Variants in TBCD observed in about 807,000 individuals in gnomAD.
TBCD encodes the protein tubulin folding cofactor D.
TBCD carries 105 observed loss-of-function variants against 169.3 expected under a neutral mutation model. That is an observed-to-expected ratio of 0.62 (90% CI 0.53 to 0.73). The LOEUF is 0.73. Ranked by LOEUF, TBCD falls within the 30% of genes least tolerant of loss-of-function variation. TBCD has a pLI of 0.00. For missense variants in TBCD, 1,444 were observed against 1,600.1 expected, an observed-to-expected ratio of 0.90 and a Z score of 1.66; for synonymous variants, 700 against 643.9, an observed-to-expected ratio of 1.09 and a Z score of -1.32.
At position 82,903,330 on chromosome 17, in the gene TBCD, A is replaced by G. The variant is rs2271918; in HGVS notation, c.1731-75A>G. The G allele has an allele frequency of 0.3, 425,461 of 1,398,776 alleles. 67,591 individuals are homozygous for G. Among genetic ancestry groups the G allele is most frequent in the Admixed American group, 0.38 (19,244 of 50,228 alleles). 86.6% of individuals were successfully genotyped at this position (1,398,776 alleles called of 1,614,324 possible). A position where few individuals can be genotyped will look rare whatever the true frequency, so the allele number is the denominator to read the frequency against. On this transcript the variant is annotated intron_variant, in intron 18 of 38. Transcript: ENST00000355528. The surrounding 1 kb of genome is among the most constrained non-coding windows in gnomAD (Gnocchi z 4.8). ...TGAGGACTCGTGTGTTGTCTCCCTC[A>G]CTTTCTTTTTATGAATTGAATAAAG...
At chr17:82,761,107 C>T (rs2047731440) in intron 2 of TBCD, among the ~76,000 whole-genome samples, 1 of 151,970 alleles carries the variant, frequency 6.6e-6, no homozygotes, top group South Asian at 2.1e-4. Context: ...TTACAGGCGC[C>T]ACCTGTAAAA....
At chr17:82,916,567 A>C (rs907510877) in intron 23 of TBCD, among the ~76,000 whole-genome samples, 2 of 152,060 alleles carry the variant, frequency 1.3e-5, no homozygotes, top group African/African-American at 4.8e-5. Flanking sequence ...GCTAAGAATG[A>C]AACTTTAGTT....
intron 1 of TBCD, among the ~76,000 whole-genome samples, chr17:82,754,336 T>C (rs1702498839): frequency 6.6e-6 from 1 of 152,020 alleles, no homozygotes; most frequent in Non-Finnish European, 1.5e-5. Flanking sequence ...CCAGGAGCAG[T>C]GGGCGGGTCC....
rs1599115655 is a variant in TBCD, at chr17:82,874,369, C to T, written c.1475+3989C>T. Among the ~76,000 whole-genome samples, 1 of 152,290 alleles carries T rather than the reference C, an allele frequency of 6.6e-6. No individual in the cohort carries two copies. Among genetic ancestry groups the T allele is most frequent in the East Asian group, 1.9e-4 (1 of 5,182 alleles). ...GGGGCCAGCGTTGGCCTGGGTCCCA[C>T]TTGGCTTTGATCTCGTGGGGCTTTG... is the stretch of plus-strand genomic sequence containing the variant. On this transcript the variant is annotated intron_variant, in intron 14 of 38. Transcript: ENST00000355528. The surrounding 1 kb of genome is among the most constrained non-coding windows in gnomAD (Gnocchi z 5.0).
At chr17:82,877,662 T>C (rs2058065530) in intron 14 of TBCD, among the ~76,000 whole-genome samples, 1 of 152,198 alleles carries the variant, frequency 6.6e-6, no homozygotes, top group Non-Finnish European at 1.5e-5. Flanking sequence ...CTTTTAGTTA[T>C]TAGAAGATCA....
At chr17:82,940,998 A>T (rs1051503852) in intron 37 of TBCD, among the ~76,000 whole-genome samples, 1 of 152,234 alleles carries the variant, frequency 6.6e-6, no homozygotes, top group African/African-American at 2.4e-5. Context: ...AATATTTTAA[A>T]TTAGAAACGA....
chr17:82,906,668 G>A (rs887958096), intron 20 of TBCD, among the ~76,000 whole-genome samples: 1 of 152,142 alleles, frequency 6.6e-6, no homozygotes. Context: ...CCTGCTTCTC[G>A]GACTCCAGTT....
chr17:82,800,253 G>A (rs1224985502), intron 8 of TBCD, among the ~76,000 whole-genome samples: 4 of 152,028 alleles, frequency 2.6e-5, no homozygotes, highest in Non-Finnish European at 5.9e-5. Flanking sequence ...TGCCCTCGTC[G>A]CAGCACCCGG....
chr17:82,770,987 G>T (rs2048279686), intron 5 of TBCD, among the ~76,000 whole-genome samples: 1 of 146,446 alleles, frequency 6.8e-6, no homozygotes, highest in Non-Finnish European at 1.5e-5. Context: ...AGCAGAGGTT[G>T]CAGTGAGCCA....
chr17:82,941,357 G>A (rs770789246), intron 37 of TBCD, 42 bp from the exon 38 acceptor site: 23 of 1,529,560 alleles, frequency 1.5e-5, no homozygotes, highest in Admixed American at 3.9e-5. Context: ...GAGGTTCTCC[G>A]GTGGGCACTC....
chr17:82,832,136 C>G lies in TBCD; in HGVS notation c.1318+17202C>G, dbSNP rs1020544197. On this transcript the variant is annotated intron_variant, in intron 13 of 38. Transcript: ENST00000355528. This position sits in a 1 kb window ranked among gnomAD's most constrained non-coding sequence, Gnocchi z 4.9. ...AGGTTTTCCTTGATGTCTTCCCTGGCAGAGCTGTGCTGAAGCTTCGAGTCG... is the reference window on the plus strand; with the variant it reads ...AGGTTTTCCTTGATGTCTTCCCTGGGAGAGCTGTGCTGAAGCTTCGAGTCG... The G allele has an allele frequency of 1.5e-5, 24 of 1,614,212 alleles. No individual in the cohort carries two copies. The highest frequency in any genetic ancestry group is 1.9e-5 in the Non-Finnish European group (22 of 1,180,036).
chr17:82,893,013 GC>G (rs2059247318), intron 16 of TBCD: 2 of 152,520 alleles, frequency 1.3e-5, no homozygotes, highest in African/African-American at 4.8e-5. Flanking sequence ...AACCGGCTGG[GC>G]CAGCTGCCCC....
chr17:82,906,252 G>A (rs2060242774), intron 20 of TBCD, among the ~76,000 whole-genome samples, 199 bp downstream of exon 20: 1 of 152,196 alleles, frequency 6.6e-6, no homozygotes, highest in Non-Finnish European at 1.5e-5. Flanking sequence ...TGCCGTGGGT[G>A]GACCACCCAC....
At chr17:82,860,543 C>A (rs559173318) in intron 13 of TBCD, 3 of 764,922 alleles carry the variant, frequency 3.9e-6, no homozygotes, top group South Asian at 1.2e-4. Flanking sequence ...AAAGAAAGTT[C>A]TAGCTTAGAA....
chr17:82,809,786 T>G lies in TBCD; in HGVS notation c.1223+4T>G, dbSNP rs1475962847. ...GGTCTGTGCTGGACTGCTTCAGGTA[T>G]GTGAGAAGAGCAGGGGAGGCGTGTG... On this transcript the variant is annotated splice_donor_region_variant and intron_variant, in intron 12 of 38. Coordinates refer to ENST00000355528, the MANE Select transcript of TBCD (RefSeq NM_005993.5). The G allele has an allele frequency of 6.2e-7, 1 of 1,613,140 alleles. No individual in the cohort carries two copies. Among genetic ancestry groups the G allele is most frequent in the Non-Finnish European group, 8.5e-7 (1 of 1,179,572 alleles).
At chr17:82,813,406 C>T (rs544815656) in intron 12 of TBCD, among the ~76,000 whole-genome samples, 51 of 152,096 alleles carry the variant, frequency 3.4e-4, no homozygotes, top group Non-Finnish European at 6.3e-4. Flanking sequence ...GGCGGGAACT[C>T]GCCCCGGCTG....
rs1481816792 is a variant in TBCD at position 82,884,145 on chromosome 17, T to A, written c.1476T>A (p.Ser492Arg). The A allele has an allele frequency of 6.2e-7, 1 of 1,608,406 alleles. No homozygotes were observed. Among genetic ancestry groups the A allele is most frequent in the Admixed American group, 1.7e-5 (1 of 59,204 alleles). ...ELKPFVTAIS[S>R]ALVIAAVFDR... ...AATTAATCCTTTCTCTTTTTCACAGTGCACTGGTGATTGCTGCGGTGTTTG... is the reference window on the plus strand; with the variant it reads ...AATTAATCCTTTCTCTTTTTCACAGAGCACTGGTGATTGCTGCGGTGTTTG... Residue 492 changes from serine (S) to arginine (R), a missense_variant and splice_region_variant, in exon 15 of 39, where the codon AGT becomes AGA. By Grantham distance (110) the Ser-to-Arg change is moderately radical. Coordinates refer to ENST00000355528, the MANE Select transcript of TBCD (RefSeq NM_005993.5). The surrounding 1 kb of genome is among the most constrained non-coding windows in gnomAD (Gnocchi z 4.2).
Position 82,824,810 on chromosome 17 carries a change from G to A in TBCD, c.1318+9876G>A, listed in dbSNP as rs532155914. Among the ~76,000 whole-genome samples, 231 of 152,322 alleles carry A rather than the reference G, an allele frequency of 1.5e-3. 1 individual carries two copies. The highest frequency in any genetic ancestry group is 5.4e-3 in the African/African-American group (225 of 41,564). ...GGGTATATACCCTGAAGTGGAATTA[G>A]TGGGTCATGTGGTAATTCTATGTTC... On this transcript the variant is annotated intron_variant, in intron 13 of 38. Transcript: ENST00000355528.
chr17:82,758,398 A>AAAAT (rs2047540627), intron 2 of TBCD, among the ~76,000 whole-genome samples: 1 of 140,778 alleles, frequency 7.1e-6, no homozygotes, highest in African/African-American at 2.7e-5. Flanking sequence ...AAAAAAAAAA[A>AAAAT]AAAAATAAAT....
Sources: gnomAD v4.1 joint callset for allele counts (sites outside exome capture counted in the v4.1 genomes callset) on GRCh38, gnomAD v4.1.1 for gene constraint, Gnocchi (gnomAD v3.1) non-coding constraint, MANE v1.5 for transcripts, NCBI Gene and HGNC (gene_info 2026-07-23, HGNC 2026-07-21) for gene names.